PTPRD: variants seen among roughly 807,000 people sequenced by gnomAD.
PTPRD encodes the protein receptor-type tyrosine-protein phosphatase delta.
In PTPRD, 34 loss-of-function variants were observed where a neutral mutation model predicts 214.5. That is an observed-to-expected ratio of 0.16 (90% CI 0.12 to 0.21). The LOEUF is 0.21. PTPRD is among the 10% of genes least tolerant of loss of function. The pLI is 1.00. For synonymous variants in PTPRD, 1,128 were observed against 845.7 expected (o/e 1.33, Z -5.79); for missense variants, 2,545 against 2,398.7 (o/e 1.06, Z -1.27).
At chr9:9,799,303 G>A (rs2153502196) in intron 5 of PTPRD, 1 of 152,224 alleles carries the variant, frequency 6.6e-6, no homozygotes, top group African/African-American at 2.4e-5. Context: ...ATTATAGAAT[G>A]TAGCTCTTTA....
intron 12 of PTPRD, among the ~76,000 whole-genome samples, chr9:8,639,864 T>C (rs1417919185): frequency 5.3e-5 from 8 of 152,364 alleles, no homozygotes; most frequent in African/African-American, 1.9e-4. Context: ...AGAATAGGTA[T>C]GAGTGCCATT....
intron 12 of PTPRD, among the ~76,000 whole-genome samples, chr9:8,696,587 G>A (rs1382755489): frequency 6.6e-6 from 1 of 152,096 alleles, no homozygotes; most frequent in Non-Finnish European, 1.5e-5. Flanking sequence ...AGGGGGCAGG[G>A]GAGAAAGATG....
intron 7 of PTPRD, among the ~76,000 whole-genome samples, chr9:9,704,849 GT>G (rs1358739806): frequency 6.6e-6 from 1 of 152,138 alleles, no homozygotes; most frequent in Non-Finnish European, 1.5e-5. Flanking sequence ...TCATTTTCCA[GT>G]TGAAAACCAT....
chr9:9,576,836 T>A (rs902351661), intron 7 of PTPRD, among the ~76,000 whole-genome samples: 3 of 152,192 alleles, frequency 2.0e-5, no homozygotes, highest in African/African-American at 7.2e-5. Flanking sequence ...GCTAGATTAC[T>A]CCTGCAGGCA....
intron 3 of PTPRD, among the ~76,000 whole-genome samples, chr9:10,194,618 T>C (rs976392707): frequency 6.6e-6 from 1 of 152,042 alleles, no homozygotes; most frequent in South Asian, 2.1e-4. Flanking sequence ...CATATGCTAA[T>C]AGAAGCACTA....
intron 3 of PTPRD, among the ~76,000 whole-genome samples, chr9:10,148,719 A>G (rs983795190): frequency 1.3e-5 from 2 of 152,300 alleles, no homozygotes; most frequent in Non-Finnish European, 2.9e-5. Flanking sequence ...AGGGCCTTTT[A>G]CCAACTGTAA....
intron 5 of PTPRD, among the ~76,000 whole-genome samples, chr9:9,844,604 G>A (rs1034736413): frequency 6.6e-6 from 1 of 151,626 alleles, no homozygotes; most frequent in African/African-American, 2.4e-5. Flanking sequence ...GAAAAATAGG[G>A]GAGAAAGGAC....
At chr9:9,030,276 C>CTTTTTTTTTTTTTTTT (rs71317396) in intron 10 of PTPRD, among the ~76,000 whole-genome samples, 2 of 37,926 alleles carry the variant, frequency 5.3e-5, no homozygotes, top group Middle Eastern at 0.042. Flanking sequence ...CACACTTGGG[C>CTTTTTTTTTTTTTTTT]TTTTTTTTTT....
At chr9:9,845,133 A>AATAT (rs59199211) in intron 5 of PTPRD, among the ~76,000 whole-genome samples, 1 of 78,440 alleles carries the variant, frequency 1.3e-5, no homozygotes, top group African/African-American at 5.8e-5. Context: ...TATATAGAGC[A>AATAT]ATATATATAT....
chr9:9,758,148 C>CAAACAAAA (rs2098606466), intron 6 of PTPRD, among the ~76,000 whole-genome samples: 1 of 114,956 alleles, frequency 8.7e-6, no homozygotes, highest in African/African-American at 3.4e-5. Flanking sequence ...GTAAAAATGG[C>CAAACAAAA]AAAAAAAAAA....
intron 3 of PTPRD, among the ~76,000 whole-genome samples, chr9:10,178,981 A>C (rs1430242276): frequency 7.3e-6 from 1 of 136,564 alleles, no homozygotes; most frequent in African/African-American, 2.5e-5. Flanking sequence ...TTCTAGAATT[A>C]AAAAATAAAT....
intron 6 of PTPRD, among the ~76,000 whole-genome samples, chr9:9,756,797 C>T (rs1326683737): frequency 6.6e-6 from 1 of 152,134 alleles, no homozygotes; most frequent in Non-Finnish European, 1.5e-5. Flanking sequence ...AGACCACAGT[C>T]TTAAAGATTA....
At position 8,962,305 on chromosome 9, in the gene PTPRD, G is replaced by A. The variant is rs1453112831; in HGVS notation, c.-104+56392C>T. ...TTTTGATGAGGTGGTCAGTCTAGGT[G>A]CTCTGCCCTCTGAACAACCCTGACA... On this transcript the variant is annotated intron_variant, in intron 11 of 45. Coordinates refer to ENST00000381196, the MANE Select transcript of PTPRD (RefSeq NM_002839.4). The A allele has an allele frequency of 2.0e-5, 3 of 152,100 alleles. 1 individual carries two copies. Among genetic ancestry groups the A allele is most frequent in the Non-Finnish European group, 1.5e-5 (1 of 68,022 alleles). The allele number at this position is 152,100 out of a possible 1,614,324, so 9.4% of individuals were successfully genotyped here. A position where few individuals can be genotyped will look rare whatever the true frequency, so the allele number is the denominator to read the frequency against.
chr9:9,752,277 T>C (rs1169610293), intron 6 of PTPRD, among the ~76,000 whole-genome samples: 2 of 152,052 alleles, frequency 1.3e-5, no homozygotes, highest in Non-Finnish European at 1.5e-5. Context: ...AGTTATGCTT[T>C]TCCATAAGGC....
chr9:9,253,473 A>G (rs962035769), intron 9 of PTPRD, among the ~76,000 whole-genome samples: 3 of 150,948 alleles, frequency 2.0e-5, no homozygotes, highest in African/African-American at 7.2e-5. Flanking sequence ...TTGTTGAATC[A>G]TATTTTTGAG....
intron 3 of PTPRD, among the ~76,000 whole-genome samples, chr9:10,169,996 T>A (rs2099190565): frequency 1.3e-5 from 2 of 151,966 alleles, no homozygotes; most frequent in African/African-American, 4.9e-5. Context: ...ATGTTCTCAA[T>A]ATGATACTCT....
At chr9:8,581,615 G>A (rs901557790) in intron 14 of PTPRD, among the ~76,000 whole-genome samples, 7 of 152,098 alleles carry the variant, frequency 4.6e-5, no homozygotes, top group Admixed American at 4.6e-4. Context: ...GGGCATGGTG[G>A]CAGATGCCTG....
chr9:9,151,778 T>C (rs901137146), intron 10 of PTPRD, among the ~76,000 whole-genome samples: 24 of 152,272 alleles, frequency 1.6e-4, no homozygotes, highest in African/African-American at 5.5e-4. Context: ...AAGAGGCACA[T>C]TGTGACAGTT....
chr9:10,197,736 T>C (rs2154330273), intron 3 of PTPRD, among the ~76,000 whole-genome samples: 1 of 152,150 alleles, frequency 6.6e-6, no homozygotes, highest in Non-Finnish European at 1.5e-5. Flanking sequence ...AAGGCTGAGA[T>C]ATGCAGTTTA....
Sources: allele counts gnomAD v4.1 joint callset (sites outside exome capture counted in the v4.1 genomes callset), GRCh38; gene constraint gnomAD v4.1.1; transcripts MANE v1.5; gene names NCBI Gene and HGNC (gene_info 2026-07-23, HGNC 2026-07-21).